CACNA1E: variants seen among roughly 807,000 people sequenced by gnomAD.
CACNA1E encodes the protein calcium voltage-gated channel subunit alpha1 E.
In CACNA1E, 40 loss-of-function variants were observed where a neutral mutation model predicts 259.2. The ratio of observed to expected loss-of-function variants is 0.15; its 90% CI spans 0.12 to 0.20. The LOEUF is 0.20. Among genes scored for constraint, CACNA1E ranks in the 10% least tolerant of loss-of-function variants. The pLI, the probability that CACNA1E is intolerant of heterozygous loss-of-function variation, is 1.00. For missense variants in CACNA1E, 1,874 were observed against 3,040.1 expected, an observed-to-expected ratio of 0.62 and a Z score of 9.02; for synonymous variants, 1,104 against 1,138.5, an observed-to-expected ratio of 0.97 and a Z score of 0.61.
At chr1:181,766,668 G>T in intron 35 of CACNA1E, 57 bp downstream of exon 35, 1 of 1,347,728 alleles carries the variant, frequency 7.4e-7, no homozygotes, top group East Asian at 2.3e-5. Context: ...ATAATCTCTG[G>T]CTTAGCAACC....
chr1:181,526,558 G>A lies in CACNA1E; in HGVS notation c.512+15048G>A, dbSNP rs1667374023. 2.0e-5 allele frequency among the ~76,000 whole-genome samples: 3 copies of A among 152,058 alleles called. No homozygotes were observed. In the South Asian group the frequency reaches 6.2e-4, roughly 32 times the overall value. ...ACTGGAAAAATGGCTTCTATTGAAG[G>A]GAATTAAGAGAACAATAGATTATTG... On this transcript the variant is annotated intron_variant, in intron 3 of 47. Coordinates refer to ENST00000367573, the MANE Select transcript of CACNA1E (RefSeq NM_001205293.3).
chr1:181,337,314 C>T (rs1557922622), intron 1 of CACNA1E, among the ~76,000 whole-genome samples: 1 of 142,686 alleles, frequency 7.0e-6, no homozygotes, highest in South Asian at 2.2e-4. Flanking sequence ...CGCCACCACG[C>T]CTGGCTAATT....
chr1:181,378,866 G>A (rs148013721), intron 1 of CACNA1E, among the ~76,000 whole-genome samples: 25 of 152,300 alleles, frequency 1.6e-4, no homozygotes, highest in African/African-American at 5.8e-4. Context: ...GGACTGAAGT[G>A]TTTCCAAGTA....
chr1:181,746,645 C>T (rs146712998), intron 25 of CACNA1E, among the ~76,000 whole-genome samples: 1 of 152,296 alleles, frequency 6.6e-6, no homozygotes, highest in African/African-American at 2.4e-5. Context: ...CTGAACTTGT[C>T]CATCTTGTTG....
intron 7 of CACNA1E, among the ~76,000 whole-genome samples, chr1:181,696,452 A>G (rs1331866039): frequency 6.6e-6 from 1 of 152,176 alleles, no homozygotes; most frequent in Non-Finnish European, 1.5e-5. Flanking sequence ...TCATGTGATT[A>G]CCTTATTTCA....
At chr1:181,759,461 T>C (rs971351490) in intron 32 of CACNA1E, among the ~76,000 whole-genome samples, 3 of 150,170 alleles carry the variant, frequency 2.0e-5, no homozygotes, top group African/African-American at 7.4e-5. Context: ...GGAATTAAGT[T>C]TGAGGAGGTT....
chr1:181,613,593 T>G (rs1408976336), intron 6 of CACNA1E, among the ~76,000 whole-genome samples: 2 of 152,170 alleles, frequency 1.3e-5, no homozygotes, highest in Non-Finnish European at 2.9e-5. Flanking sequence ...ACCAAAAGAC[T>G]GGCAGCTGGT....
At chr1:181,406,065 A>G (rs1322367940) in intron 1 of CACNA1E, among the ~76,000 whole-genome samples, 1 of 152,192 alleles carries the variant, frequency 6.6e-6, no homozygotes, top group Non-Finnish European at 1.5e-5. Context: ...AATATTTACT[A>G]TCTAACCCTT....
At chr1:181,569,670 A>G (rs567040036) in intron 3 of CACNA1E, among the ~76,000 whole-genome samples, 2 of 152,334 alleles carry the variant, frequency 1.3e-5, no homozygotes, top group South Asian at 2.1e-4. Context: ...ATTAGGTGTC[A>G]TGGGCCCAGT....
intron 3 of CACNA1E, among the ~76,000 whole-genome samples, chr1:181,569,591 A>G (rs935173490): frequency 4.6e-5 from 7 of 152,256 alleles, no homozygotes; most frequent in African/African-American, 1.7e-4. Flanking sequence ...TGTGTAATTC[A>G]GTAGATTTTT....
At position 181,806,700 on chromosome 1, in the gene CACNA1E, C is replaced by A. The variant is rs1662649935; in HGVS notation, c.*7866C>A. On this transcript the variant is annotated 3_prime_UTR_variant, in exon 48 of 48. Transcript: ENST00000367573. ...TGCTCGTTTGGATCCAAAAGGAAAA[C>A]CATTAAAAATAAAAGAAAGATGAAA... is the stretch of plus-strand genomic sequence containing the variant. 1 of 152,050 alleles carries A rather than the reference C, an allele frequency of 6.6e-6. No individual in the cohort carries two copies. The highest frequency in any genetic ancestry group is 2.1e-4 in the South Asian group (1 of 4,820). 9.4% of individuals were successfully genotyped at this position (152,050 alleles called of 1,614,324 possible). A position where few individuals can be genotyped will look rare whatever the true frequency, so the allele number is the denominator to read the frequency against.
intron 7 of CACNA1E, among the ~76,000 whole-genome samples, chr1:181,664,051 G>A (rs1181935124): frequency 1.3e-5 from 2 of 152,160 alleles, no homozygotes; most frequent in Non-Finnish European, 2.9e-5. Flanking sequence ...AGAGCATTTG[G>A]TTTATAAAGC....
At chr1:181,415,915 G>C (rs936301277) in intron 2 of CACNA1E, among the ~76,000 whole-genome samples, 1 of 152,192 alleles carries the variant, frequency 6.6e-6, no homozygotes, top group Non-Finnish European at 1.5e-5. Flanking sequence ...AGGGCTTGCT[G>C]CTCGGGGCAC....
intron 32 of CACNA1E, among the ~76,000 whole-genome samples, chr1:181,759,395 C>CTGTGTGTGTGTGTGTGTGTGTGTGTG (rs10677275): frequency 8.2e-5 from 12 of 146,990 alleles, no homozygotes; most frequent in Middle Eastern, 3.5e-3. Flanking sequence ...AGGGGTGTGT[C>CTGTGTGTGTGTGTGTGTGTGTGTGTG]TGTGTGTGTG....
chr1:181,780,154 G>A (rs1660301203), intron 38 of CACNA1E, among the ~76,000 whole-genome samples: 1 of 152,198 alleles, frequency 6.6e-6, no homozygotes, highest in South Asian at 2.1e-4. Flanking sequence ...ATTTGGTGCT[G>A]TGTGGAAGAA....
Position 181,736,300 on chromosome 1 carries a change from C to T in CACNA1E, c.3288C>T (p.Ala1096=). The T allele has an allele frequency of 6.3e-7, 1 of 1,598,122 alleles. No homozygotes were observed. The highest frequency in any genetic ancestry group is 8.5e-7 in the Non-Finnish European group (1 of 1,172,018). ...VHISNKTDGE[A]SPLKEAEIRE... ...TTAGCAACAAGACGGATGGGGAAGC[C>T]AGTCCCTTGAAGGAGGCAGAGATCA... The change falls in exon 22 of 48, where the codon GCC becomes GCT. Residue 1096 remains alanine, a synonymous_variant. Transcript: ENST00000367573.
intron 7 of CACNA1E, among the ~76,000 whole-genome samples, chr1:181,659,092 A>G (rs963266436): frequency 2.6e-5 from 4 of 152,150 alleles, no homozygotes; most frequent in Admixed American, 2.0e-4. Context: ...ACCTGCAGGC[A>G]GCTGAATGTT....
chr1:181,655,030 G>T (rs1054040424), intron 7 of CACNA1E, among the ~76,000 whole-genome samples: 5 of 139,626 alleles, frequency 3.6e-5, no homozygotes, highest in Non-Finnish European at 6.3e-5. Context: ...TAAGAACATA[G>T]ATTTTAGTGA....
At chr1:181,690,453 A>G (rs10797737) in intron 7 of CACNA1E, among the ~76,000 whole-genome samples, 69,676 of 152,070 alleles carry the variant, frequency 0.46, 18,423 homozygotes, top group East Asian at 0.74. Flanking sequence ...TGTCTTGGCT[A>G]TAAGGGCTCT....
Sources: allele counts gnomAD v4.1 joint callset (sites outside exome capture counted in the v4.1 genomes callset), GRCh38; gene constraint gnomAD v4.1.1; transcripts MANE v1.5; gene names NCBI Gene and HGNC (gene_info 2026-07-23, HGNC 2026-07-21).